The following STX8 variants were observed in gnomAD, a reference collection of about 807,000 sequenced individuals.
The protein encoded by STX8 is syntaxin 8, also known as syntaxin-8.
STX8 carries 23 observed loss-of-function variants against 37.5 expected under a neutral mutation model. The observed-to-expected ratio is 0.61, with a 90% CI of 0.44 to 0.87. The LOEUF (loss-of-function observed/expected upper bound fraction) is 0.87. STX8 is among the 40% of genes least tolerant of loss of function. The probability of loss-of-function intolerance (pLI) is 0.00; values close to 1 mark genes in which losing one functional copy is unlikely to be tolerated. For missense variants in STX8, 313 were observed against 284.7 expected, an observed-to-expected ratio of 1.10 and a Z score of -0.71; for synonymous variants, 115 against 99.1, an observed-to-expected ratio of 1.16 and a Z score of -0.95.
Position 9,575,809 on chromosome 17 carries a change from C to G in STX8, c.-1G>C. 6.5e-7 allele frequency: 1 copy of G among 1,541,176 alleles called. No homozygotes were observed. Among genetic ancestry groups the G allele is most frequent in the South Asian group, 1.2e-5 (1 of 83,958 alleles). On this transcript the variant is annotated 5_prime_UTR_variant, in exon 1 of 8. Coordinates refer to ENST00000306357, the MANE Select transcript of STX8 (RefSeq NM_004853.3). The stretch of plus-strand genomic sequence containing the variant: ...GGACTCACCAGGGGTCCGGTGCCAT[C>G]CTGCAGACTCCGCCCGCCGCTCGGA...
intron 7 of STX8, among the ~76,000 whole-genome samples, chr17:9,358,139 A>G (rs2142255345): frequency 6.6e-6 from 1 of 152,310 alleles, no homozygotes; most frequent in Non-Finnish European, 1.5e-5. Flanking sequence ...GATCGTTTGA[A>G]ACCAGGAGTT....
chr17:9,434,424 G>C (rs1268188019), intron 6 of STX8, among the ~76,000 whole-genome samples: 1 of 152,214 alleles, frequency 6.6e-6, no homozygotes, highest in African/African-American at 2.4e-5. Context: ...GTTAGCAGAG[G>C]GGAAGACAGA....
At chr17:9,490,342 C>T (rs1906801409) in intron 6 of STX8, among the ~76,000 whole-genome samples, 1 of 151,958 alleles carries the variant, frequency 6.6e-6, no homozygotes, top group African/African-American at 2.4e-5. Flanking sequence ...GTTCGTCTAT[C>T]CCCAGGGCTT....
At chr17:9,299,114 T>C (rs1429309903) in intron 7 of STX8, among the ~76,000 whole-genome samples, 4 of 152,326 alleles carry the variant, frequency 2.6e-5, no homozygotes, top group African/African-American at 2.4e-5. Context: ...TGAGGCCATC[T>C]TGGGTTCACA....
intron 7 of STX8, among the ~76,000 whole-genome samples, chr17:9,369,886 CAAAAAAAAAAAAA>C (rs60178482): frequency 1.9e-5 from 1 of 52,154 alleles, no homozygotes; most frequent in East Asian, 7.6e-4. Context: ...GACCCTGTAC[CAAAAAAAAAAAAA>C]AAAAAAAAAA....
intron 7 of STX8, among the ~76,000 whole-genome samples, chr17:9,296,632 A>T (rs1376154351): frequency 2.4e-4 from 9 of 37,616 alleles, no homozygotes; most frequent in African/African-American, 9.3e-4. Context: ...GAAAGACTAA[A>T]AAAAAAAAAA....
chr17:9,255,164 A>G (rs1341178656), intron 7 of STX8, among the ~76,000 whole-genome samples: 1 of 152,136 alleles, frequency 6.6e-6, no homozygotes, highest in Non-Finnish European at 1.5e-5. Context: ...TAATTTTTCT[A>G]CCACAGATGC....
At chr17:9,271,747 T>TAAA (rs1567762357) in intron 7 of STX8, among the ~76,000 whole-genome samples, 1 of 90,426 alleles carries the variant, frequency 1.1e-5, no homozygotes, top group South Asian at 3.5e-4. Flanking sequence ...AGACTCCATC[T>TAAA]CAAAAAAAAA....
intron 6 of STX8, among the ~76,000 whole-genome samples, chr17:9,477,577 G>T (rs991873532): frequency 2.0e-5 from 3 of 152,190 alleles, no homozygotes; most frequent in African/African-American, 7.2e-5. Context: ...AGTGAGAAGA[G>T]CTGAGTAATA....
intron 7 of STX8, among the ~76,000 whole-genome samples, chr17:9,362,758 CT>C (rs1321795793): frequency 6.7e-6 from 1 of 149,952 alleles, no homozygotes; most frequent in Non-Finnish European, 1.5e-5. Flanking sequence ...GGAGGCGGAG[CT>C]TGCAGTGAGC....
At chr17:9,279,082 A>G (rs1323522516) in intron 7 of STX8, among the ~76,000 whole-genome samples, 1 of 138,248 alleles carries the variant, frequency 7.2e-6, no homozygotes, top group African/African-American at 2.7e-5. Flanking sequence ...TTTTTTTTTG[A>G]GATGGGGTTT....
chr17:9,411,884 T>C (rs543701033), intron 6 of STX8, among the ~76,000 whole-genome samples: 1 of 152,320 alleles, frequency 6.6e-6, no homozygotes, highest in African/African-American at 2.4e-5. Context: ...GATACAATTA[T>C]AAAAATATTC....
chr17:9,530,332 C>G (rs1254679198), intron 4 of STX8, among the ~76,000 whole-genome samples: 2 of 150,846 alleles, frequency 1.3e-5, no homozygotes, highest in East Asian at 3.9e-4. Flanking sequence ...AAAAAAACAG[C>G]ACTGCTATAA....
intron 6 of STX8, among the ~76,000 whole-genome samples, chr17:9,440,997 T>G (rs923390812): frequency 2.0e-5 from 3 of 152,058 alleles, no homozygotes; most frequent in Non-Finnish European, 4.4e-5. Context: ...CTCCCAGGGG[T>G]TGACTCCACT....
At chr17:9,301,067 C>T (rs1427586145) in intron 7 of STX8, among the ~76,000 whole-genome samples, 2 of 151,942 alleles carry the variant, frequency 1.3e-5, no homozygotes, top group South Asian at 2.1e-4. Context: ...CTCCTGACCT[C>T]GTGATCCACC....
intron 4 of STX8, among the ~76,000 whole-genome samples, chr17:9,506,156 T>G (rs1042482644): frequency 1.3e-5 from 2 of 152,046 alleles, no homozygotes; most frequent in African/African-American, 4.8e-5. Context: ...ACACATGATT[T>G]CCACCTCAGT....
chr17:9,391,004 A>G (rs1414843343), intron 6 of STX8, among the ~76,000 whole-genome samples: 1 of 152,242 alleles, frequency 6.6e-6, no homozygotes, highest in Non-Finnish European at 1.5e-5. Flanking sequence ...ACTCCATATT[A>G]GTCATTATTA....
chr17:9,507,566 C>A lies in STX8; in HGVS notation c.324-2404G>T, dbSNP rs1303858098. On this transcript the variant is annotated intron_variant, in intron 4 of 7. Transcript: ENST00000306357. The surrounding 1 kb of genome is among the most constrained non-coding windows in gnomAD (Gnocchi z 4.0). The stretch of plus-strand genomic sequence containing the variant: ...CCATGTCCCAAACCTGAGAAACAGC[C>A]CAACAGGCCACCTCTGGCAGGCATA... 6.6e-6 allele frequency among the ~76,000 whole-genome samples: 1 copy of A among 152,214 alleles called. No individual in the cohort carries two copies. Among genetic ancestry groups the A allele is most frequent in the African/African-American group, 2.4e-5 (1 of 41,458 alleles).
At position 9,328,661 on chromosome 17, in the gene STX8, CCTAA is replaced by C. The variant is rs566378892; in HGVS notation, c.643+49887_643+49890del. On this transcript the variant is annotated intron_variant, in intron 7 of 7. Transcript: ENST00000306357. ...GCCCTCTTAGGGCTGTAAGGATATC[CCTAA>C]CTGTCATCAAATTGTCAAGGCTAAA... 3.9e-3 allele frequency among the ~76,000 whole-genome samples: 596 copies of C among 152,226 alleles called. 5 individuals carry two copies. The highest frequency in any genetic ancestry group is 0.01 in the Middle Eastern group (3 of 294).
Sources: gnomAD v4.1 joint callset for allele counts (sites outside exome capture counted in the v4.1 genomes callset) on GRCh38, gnomAD v4.1.1 for gene constraint, Gnocchi (gnomAD v3.1) non-coding constraint, MANE v1.5 for transcripts, NCBI Gene and HGNC (gene_info 2026-07-23, HGNC 2026-07-21) for gene names.